The following RAD51B variants were observed in gnomAD, a reference collection of about 807,000 sequenced individuals.
RAD51B encodes DNA repair protein RAD51 homolog 2.
RAD51B carries 38 observed loss-of-function variants against 42.2 expected under a neutral mutation model. The observed-to-expected ratio is 0.90, with a 90% CI of 0.70 to 1.18. The LOEUF (loss-of-function observed/expected upper bound fraction) is 1.18, where lower values mean the gene tolerates loss of function less well. Ranked by LOEUF, RAD51B falls within the 50% of genes most tolerant of loss-of-function variation. The pLI is 0.00. For synonymous variants in RAD51B, 154 were observed against 145.2 expected (o/e 1.06, Z -0.43); for missense variants, 373 against 400.7 (o/e 0.93, Z 0.59).
chr14:68,122,353 A>G (rs1321978273), intron 7 of RAD51B, among the ~76,000 whole-genome samples: 2 of 152,202 alleles, frequency 1.3e-5, no homozygotes, highest in African/African-American at 4.8e-5. Flanking sequence ...TTCCCTATTG[A>G]ATAGAGAGCA....
chr14:68,169,152 T>A (rs887418863), intron 7 of RAD51B, among the ~76,000 whole-genome samples: 2 of 152,226 alleles, frequency 1.3e-5, no homozygotes, highest in African/African-American at 4.8e-5. Context: ...AATTTTGGTC[T>A]CTTTTTCTTT....
chr14:68,190,629 G>A (rs1303251883), intron 7 of RAD51B, among the ~76,000 whole-genome samples: 1 of 151,826 alleles, frequency 6.6e-6, no homozygotes, highest in African/African-American at 2.4e-5. Flanking sequence ...TATATCCAAG[G>A]CACTCTATAT....
At chr14:68,272,471 GT>G (rs1447301408) in intron 7 of RAD51B, among the ~76,000 whole-genome samples, 1 of 151,094 alleles carries the variant, frequency 6.6e-6, no homozygotes, top group African/African-American at 2.4e-5. Flanking sequence ...ATAAATAAAT[GT>G]ATATGACAAA....
intron 7 of RAD51B, among the ~76,000 whole-genome samples, chr14:68,247,813 G>A (rs1304005418): frequency 6.6e-6 from 1 of 152,084 alleles, no homozygotes; most frequent in African/African-American, 2.4e-5. Flanking sequence ...TAGCACTCCA[G>A]GACAAGTTAA....
chr14:68,348,151 T>G (rs1034267845), intron 8 of RAD51B, among the ~76,000 whole-genome samples: 5 of 152,166 alleles, frequency 3.3e-5, no homozygotes, highest in Admixed American at 6.5e-5. Flanking sequence ...GTTTAAAGCT[T>G]TAATGTCACT....
chr14:68,411,732 A>G (rs2140083720), intron 9 of RAD51B, among the ~76,000 whole-genome samples: 1 of 152,296 alleles, frequency 6.6e-6, no homozygotes, highest in East Asian at 1.9e-4. Flanking sequence ...GAAAAAACAT[A>G]AGAATTGATC....
At chr14:68,632,393 G>A (rs1190518470) in intron 10 of RAD51B, among the ~76,000 whole-genome samples, 1 of 152,202 alleles carries the variant, frequency 6.6e-6, no homozygotes, top group East Asian at 1.9e-4. Flanking sequence ...GAGCACAGGA[G>A]CCGCTCGGCC....
chr14:68,665,072 A>AT (rs1428812272), intron 11 of RAD51B, among the ~76,000 whole-genome samples: 1 of 151,958 alleles, frequency 6.6e-6, no homozygotes, highest in Non-Finnish European at 1.5e-5. Context: ...CCTTTCACAT[A>AT]CTCCCATGTG....
chr14:68,433,707 T>A (rs1394052765), intron 9 of RAD51B, among the ~76,000 whole-genome samples: 1 of 152,234 alleles, frequency 6.6e-6, no homozygotes, highest in Non-Finnish European at 1.5e-5. Flanking sequence ...CTCCTTTAGC[T>A]CGGAGAAGTT....
chr14:68,001,763 A>C (rs1415252291), intron 7 of RAD51B, among the ~76,000 whole-genome samples: 1 of 152,044 alleles, frequency 6.6e-6, no homozygotes, highest in Admixed American at 6.6e-5. Flanking sequence ...TGTTCTCATC[A>C]TCCAGCTCCT....
At chr14:68,127,452 G>T (rs1232546955) in intron 7 of RAD51B, among the ~76,000 whole-genome samples, 1 of 152,150 alleles carries the variant, frequency 6.6e-6, no homozygotes, top group Non-Finnish European at 1.5e-5. Flanking sequence ...GCATAATGCT[G>T]CAACACAGAG....
chr14:68,670,539 C>A (rs931851337), intron 11 of RAD51B, among the ~76,000 whole-genome samples: 1 of 152,216 alleles, frequency 6.6e-6, no homozygotes, highest in Non-Finnish European at 1.5e-5. Context: ...AGTTCCCATC[C>A]CTGGGAGCCT....
At chr14:68,329,484 A>G (rs1034198255) in intron 8 of RAD51B, among the ~76,000 whole-genome samples, 8 of 152,204 alleles carry the variant, frequency 5.3e-5, no homozygotes, top group African/African-American at 1.9e-4. Context: ...TACAGAAGGT[A>G]CCTTTCCTTT....
rs75324974 is a variant in RAD51B at position 68,656,574 on chromosome 14, C to T, written c.*11+5718C>T. Reference sequence around the variant, plus strand: ...CTCTGTGAGGGGTGCAGAGCAGCTCCGGGACTCCCACACAGAGCCCCTTTC... The same window carrying T: ...CTCTGTGAGGGGTGCAGAGCAGCTCTGGGACTCCCACACAGAGCCCCTTTC... On this transcript the variant is annotated intron_variant, in intron 11 of 11. Coordinates refer to the RAD51B transcript ENST00000488612. 3.9e-3 allele frequency among the ~76,000 whole-genome samples: 589 copies of T among 152,158 alleles called. 8 individuals carry two copies. Among genetic ancestry groups the T allele is most frequent in the African/African-American group, 0.013 (552 of 41,520 alleles).
At chr14:68,132,550 G>C (rs2077916289) in intron 7 of RAD51B, among the ~76,000 whole-genome samples, 1 of 152,182 alleles carries the variant, frequency 6.6e-6, no homozygotes, top group African/African-American at 2.4e-5. Flanking sequence ...AACGTGACTT[G>C]AACTAGCTTG....
At chr14:68,340,244 A>G (rs1175269635) in intron 8 of RAD51B, among the ~76,000 whole-genome samples, 1 of 152,252 alleles carries the variant, frequency 6.6e-6, no homozygotes, top group African/African-American at 2.4e-5. Flanking sequence ...CTTCTTTGAC[A>G]TATTTGAGAT....
chr14:68,280,967 G>C (rs2081309555), intron 7 of RAD51B, among the ~76,000 whole-genome samples: 1 of 152,060 alleles, frequency 6.6e-6, no homozygotes, highest in Non-Finnish European at 1.5e-5. Context: ...TGAGGTGGGA[G>C]GAACGCTTGA....
chr14:68,334,372 C>A (rs1408832815), intron 8 of RAD51B, among the ~76,000 whole-genome samples: 1 of 152,008 alleles, frequency 6.6e-6, no homozygotes, highest in Non-Finnish European at 1.5e-5. Flanking sequence ...GAAGAGAAAA[C>A]ATATTTACCA....
intron 9 of RAD51B, among the ~76,000 whole-genome samples, chr14:68,414,648 G>A (rs1773733151): frequency 6.6e-6 from 1 of 151,954 alleles, no homozygotes; most frequent in African/African-American, 2.4e-5. Flanking sequence ...TAACTGCTTT[G>A]ACTCTAAAGG....
Sources: gnomAD v4.1 joint callset for allele counts (sites outside exome capture counted in the v4.1 genomes callset) on GRCh38, gnomAD v4.1.1 for gene constraint, MANE v1.5 for transcripts, NCBI Gene and HGNC (gene_info 2026-07-23, HGNC 2026-07-21) for gene names.